YJU2B: variants seen among roughly 807,000 people sequenced by gnomAD.
YJU2B encodes the protein YJU2 splicing factor homolog B.
Under a neutral mutation model 38.0 loss-of-function variants are expected in YJU2B, and 18 were observed. That is an observed-to-expected ratio of 0.47 (90% CI 0.33 to 0.70). The LOEUF (loss-of-function observed/expected upper bound fraction) is 0.70, where lower values mean the gene tolerates loss of function less well. YJU2B is among the 30% of genes least tolerant of loss of function. The pLI is 0.02. For synonymous variants in YJU2B, 246 were observed against 225.4 expected (o/e 1.09, Z -0.82); for missense variants, 538 against 556.3 (o/e 0.97, Z 0.33).
chr19:13,754,446 C>A, intron 3 of YJU2B, 104 bp downstream of exon 3: 1 of 957,494 alleles, frequency 1.0e-6, no homozygotes, highest in South Asian at 1.3e-5. Context: ...CCCCCAAGGT[C>A]TTTTTGTCTT....
intron 2 of YJU2B, among the ~76,000 whole-genome samples, chr19:13,733,748 G>A (rs182916671): frequency 6.3e-4 from 95 of 151,974 alleles, no homozygotes; most frequent in Non-Finnish European, 1.2e-3. Flanking sequence ...AACATTAGAC[G>A]CCATGAACAC....
intron 9 of YJU2B, 51 bp downstream of exon 9, chr19:13,762,488 G>A (rs1973931206): frequency 1.6e-5 from 25 of 1,594,068 alleles, no homozygotes; most frequent in Non-Finnish European, 1.9e-5. Flanking sequence ...AGAGTTGCCT[G>A]GAGATGGGGG....
chr19:13,753,712 C>T (rs1453460154), intron 2 of YJU2B, among the ~76,000 whole-genome samples: 6 of 151,674 alleles, frequency 4.0e-5, no homozygotes, highest in African/African-American at 1.5e-4. Flanking sequence ...GGGAAGCAAA[C>T]ACATCCTTCT....
chr19:13,761,381 T>TC (rs1973881185), intron 8 of YJU2B: 1 of 152,096 alleles, frequency 6.6e-6, no homozygotes, highest in African/African-American at 2.4e-5. Flanking sequence ...GACTCTTGTC[T>TC]CAAAAAAATA....
intron 2 of YJU2B, among the ~76,000 whole-genome samples, chr19:13,742,442 A>T (rs1174204991): frequency 6.6e-6 from 1 of 151,992 alleles, no homozygotes; most frequent in Non-Finnish European, 1.5e-5. Flanking sequence ...AGCTGGCATT[A>T]CAAGTCTCAC....
chr19:13,745,358 C>T (rs1973202306), upstream of YJU2B, among the ~76,000 whole-genome samples: 1 of 151,992 alleles, frequency 6.6e-6, no homozygotes, highest in Admixed American at 6.6e-5. Flanking sequence ...TGGAACCTGG[C>T]ACCGAATAAT....
chr19:13,746,127 C>T (rs1024756345), upstream of YJU2B, among the ~76,000 whole-genome samples: 1 of 152,000 alleles, frequency 6.6e-6, no homozygotes, highest in African/African-American at 2.4e-5. Flanking sequence ...TGGCGGGCAC[C>T]TGTAGTCCCA....
intron 3 of YJU2B, among the ~76,000 whole-genome samples, chr19:13,755,188 C>T (rs1483383932): frequency 1.4e-5 from 2 of 147,846 alleles, no homozygotes; most frequent in East Asian, 2.0e-4. Context: ...AAAAAGCCGG[C>T]GCCATGGCTC....
Position 13,738,687 on chromosome 19 carries a change from C to T in YJU2B, c.-202+6402C>T, listed in dbSNP as rs542874127. 3.8e-4 allele frequency among the ~76,000 whole-genome samples: 58 copies of T among 151,998 alleles called. 1 individual carries two copies. In the South Asian group the frequency reaches 0.012, roughly 31 times the overall value. Reference sequence around the variant, plus strand: ...CGGGCAGATCACGAGGTCAGGAGATCGAGACTATCCTGGCTAACACGGTGA... The same window carrying T: ...CGGGCAGATCACGAGGTCAGGAGATTGAGACTATCCTGGCTAACACGGTGA... On this transcript the variant is annotated intron_variant, in intron 2 of 10. Coordinates refer to the YJU2B transcript ENST00000586600.
At chr19:13,750,544 G>T (rs1973418240) in intron 1 of YJU2B, among the ~76,000 whole-genome samples, 2 of 152,032 alleles carry the variant, frequency 1.3e-5, no homozygotes, top group Middle Eastern at 3.4e-3. Flanking sequence ...GTCTTTGATG[G>T]ATATGATATG....
At chr19:13,738,588 G>A (rs939736034) in intron 2 of YJU2B, among the ~76,000 whole-genome samples, 1 of 151,980 alleles carries the variant, frequency 6.6e-6, no homozygotes, top group Non-Finnish European at 1.5e-5. Context: ...GTGAAACCCC[G>A]TCTCTATTAA....
At chr19:13,749,397 G>A (rs1209375502) in intron 1 of YJU2B, among the ~76,000 whole-genome samples, 1 of 152,136 alleles carries the variant, frequency 6.6e-6, no homozygotes, top group African/African-American at 2.4e-5. Context: ...AAATTTCTGT[G>A]TCCATCAATA....
chr19:13,732,610 C>CTTTT lies in YJU2B; in HGVS notation c.-202+339_-202+342dup, dbSNP rs58605088. On this transcript the variant is annotated intron_variant, in intron 2 of 10. Coordinates refer to the YJU2B transcript ENST00000586600. Reference sequence around the variant, plus strand: ...AAAAAAAAAAGTGCATACTTTCTTTCTTTTTTTTTTTTTTTTTGCGACAGA... The same window carrying CTTTT: ...AAAAAAAAAAGTGCATACTTTCTTTCTTTTTTTTTTTTTTTTTTTTTGCGACAGA... 1.2e-3 allele frequency: 146 copies of CTTTT among 119,412 alleles called. 5 individuals are homozygous for CTTTT. The highest frequency in any genetic ancestry group is 4.4e-3 in the African/African-American group (138 of 31,234). The allele number at this position is 119,412 out of a possible 1,614,324, so 7.4% of individuals were successfully genotyped here.
chr19:13,736,579 C>G (rs145666790), intron 2 of YJU2B, among the ~76,000 whole-genome samples: 413 of 151,990 alleles, frequency 2.7e-3, no homozygotes, highest in Middle Eastern at 0.01. Context: ...TTTGTACTTA[C>G]CCAAATACTC....
At chr19:13,743,498 T>C (rs149484359), upstream of YJU2B, among the ~76,000 whole-genome samples, 611 of 149,114 alleles carry the variant, frequency 4.1e-3, 3 homozygotes, top group African/African-American at 0.014. Flanking sequence ...GAGAATCGCT[T>C]GAACCTGGGA....
At chr19:13,751,911 T>C in intron 2 of YJU2B, 100 bp downstream of exon 2, 3 of 1,090,034 alleles carry the variant, frequency 2.8e-6, no homozygotes, top group Non-Finnish European at 4.2e-6. Flanking sequence ...GATGATGATT[T>C]CAATCTCCGG....
In YJU2B at chr19:13,758,974, T is replaced by G. The variant is rs1319835689; in HGVS notation, c.364T>G (p.Trp122Gly). 6.2e-7 allele frequency: 1 copy of G among 1,613,882 alleles called. No homozygotes were observed. The highest frequency in any genetic ancestry group is 2.2e-5 in the East Asian group (1 of 44,882). Residue 122 changes from tryptophan (W) to glycine (G), a missense_variant, in exon 7 of 10, where the codon TGG (tryptophan) becomes GGG (glycine). By Grantham distance (184) the Trp-to-Gly change is radical. Transcript: ENST00000221554. ...TGGCGCCCAGCGCAAGGAGGAGCGC[T>G]GGGACATGGCGGACAATGAGCAGGT... ...VSGAQRKEER[W>G]DMADNEQVLT...
chr19:13,748,926 A>G (rs185563292), intron 1 of YJU2B, among the ~76,000 whole-genome samples: 10 of 152,174 alleles, frequency 6.6e-5, no homozygotes, highest in Admixed American at 2.6e-4. Flanking sequence ...AGAACAGTTT[A>G]TATCCGGGAC....
At chr19:13,762,471 G>A (rs1382857201) in intron 9 of YJU2B, 34 bp downstream of exon 9, 2 of 1,605,536 alleles carry the variant, frequency 1.2e-6, no homozygotes, top group African/African-American at 1.3e-5. Flanking sequence ...AGGGGACAGG[G>A]AGGCTCAGAG....
Sources: allele counts gnomAD v4.1 joint callset (sites outside exome capture counted in the v4.1 genomes callset), GRCh38; gene constraint gnomAD v4.1.1; transcripts MANE v1.5; gene names NCBI Gene and HGNC (gene_info 2026-07-23, HGNC 2026-07-21).